Variants in ACSS3 observed in about 807,000 individuals in gnomAD.
The protein encoded by ACSS3 is acyl-CoA synthetase short chain family member 3, also known as acyl-CoA synthetase short-chain family member 3, mitochondrial.
ACSS3 carries 64 observed loss-of-function variants against 84.2 expected under a neutral mutation model. The observed-to-expected ratio is 0.76, with a 90% CI of 0.62 to 0.94. ACSS3 has a LOEUF of 0.94. Among genes scored for constraint, ACSS3 ranks in the 40% least tolerant of loss-of-function variants. The probability of loss-of-function intolerance (pLI) is 0.00; values close to 1 mark genes in which losing one functional copy is unlikely to be tolerated. For synonymous variants in ACSS3, 317 were observed against 310.1 expected (o/e 1.02, Z -0.23); for missense variants, 815 against 867.6 (o/e 0.94, Z 0.76).
intron 9 of ACSS3, among the ~76,000 whole-genome samples, chr12:81,205,908 T>C (rs1461215385): frequency 6.6e-6 from 1 of 152,156 alleles, no homozygotes; most frequent in Non-Finnish European, 1.5e-5. Context: ...GCTTGTGTCC[T>C]GTGCAAAATC....
intron 15 of ACSS3, 53 bp from the exon 16 acceptor site, chr12:81,254,804 G>T: frequency 5.2e-6 from 7 of 1,344,274 alleles, no homozygotes; most frequent in Non-Finnish European, 7.3e-6. Context: ...ATTATAGAAA[G>T]AGTAGAAGAA....
At chr12:81,201,163 G>A (rs116661815) in intron 9 of ACSS3, among the ~76,000 whole-genome samples, 1 of 152,196 alleles carries the variant, frequency 6.6e-6, no homozygotes, top group African/African-American at 2.4e-5. Context: ...AACAAGTGAA[G>A]AATTATTGCA....
intron 8 of ACSS3, among the ~76,000 whole-genome samples, chr12:81,185,129 TA>T (rs1314951385): frequency 2.0e-5 from 3 of 151,566 alleles, no homozygotes; most frequent in African/African-American, 4.8e-5. Flanking sequence ...ATAATTAACA[TA>T]AAAAAAGCAT....
At chr12:81,228,221 G>C (rs909423529) in intron 11 of ACSS3, among the ~76,000 whole-genome samples, 3 of 151,732 alleles carry the variant, frequency 2.0e-5, no homozygotes, top group African/African-American at 7.3e-5. Flanking sequence ...CATTCTCCTG[G>C]GAAACATACA....
At position 81,257,698 on chromosome 12, in the gene ACSS3, G is replaced by A. The variant is rs190138597; in HGVS notation, c.*2776G>A. The A allele has an allele frequency of 3.1e-4, 47 of 152,068 alleles. No individual in the cohort carries two copies. The highest frequency in any genetic ancestry group is 1.1e-3 in the African/African-American group (47 of 41,500). 9.4% of individuals were successfully genotyped at this position (152,068 alleles called of 1,614,324 possible). A position where few individuals can be genotyped will look rare whatever the true frequency, so the allele number is the denominator to read the frequency against. On this transcript the variant is annotated 3_prime_UTR_variant, in exon 16 of 16. Transcript: ENST00000548058. ...GTTTATATAAAATTGTATTTGAAAG[G>A]TCCTGAACATTAAAAATGTGAAAAT...
At chr12:81,170,726 G>T (rs1354174752) in intron 7 of ACSS3, among the ~76,000 whole-genome samples, 1 of 151,914 alleles carries the variant, frequency 6.6e-6, no homozygotes, top group Non-Finnish European at 1.5e-5. Flanking sequence ...ATATTGTCTG[G>T]GTTATTTCCC....
chr12:81,261,057 T>C lies in ACSS3; in HGVS notation c.*6135T>C, dbSNP rs1399858354. On this transcript the variant is annotated 3_prime_UTR_variant, in exon 16 of 16. Coordinates refer to ENST00000548058, the MANE Select transcript of ACSS3 (RefSeq NM_024560.4). ...CAAATGCTTGGTATTTATGGTTACA[T>C]AGGAAGGTTTTGTGCTGGTCCTATT... 2 of 152,184 alleles carry C rather than the reference T, an allele frequency of 1.3e-5. No homozygotes were observed. The highest frequency in any genetic ancestry group is 4.8e-5 in the African/African-American group (2 of 41,452). 9.4% of individuals were successfully genotyped at this position (152,184 alleles called of 1,614,324 possible). A position where few individuals can be genotyped will look rare whatever the true frequency, so the allele number is the denominator to read the frequency against.
chr12:81,123,942 G>T (rs974445447), intron 2 of ACSS3, among the ~76,000 whole-genome samples: 5 of 152,134 alleles, frequency 3.3e-5, no homozygotes, highest in African/African-American at 1.2e-4. Flanking sequence ...ATGAGTCCAT[G>T]TATATTTTTG....
At chr12:81,116,625 G>T (rs892855494) in intron 2 of ACSS3, among the ~76,000 whole-genome samples, 2 of 151,992 alleles carry the variant, frequency 1.3e-5, no homozygotes, top group African/African-American at 4.8e-5. Flanking sequence ...CCAGTTATTA[G>T]GGTACCTACA....
chr12:81,159,593 G>A (rs1163959618), intron 7 of ACSS3, among the ~76,000 whole-genome samples: 2 of 152,096 alleles, frequency 1.3e-5, no homozygotes, highest in African/African-American at 2.4e-5. Flanking sequence ...AAATTGAATG[G>A]TACTTCTTTA....
chr12:81,222,950 A>G (rs1333098533), intron 11 of ACSS3, among the ~76,000 whole-genome samples: 1 of 152,062 alleles, frequency 6.6e-6, no homozygotes, highest in Non-Finnish European at 1.5e-5. Flanking sequence ...TAATTTAGTA[A>G]GAAAGTTAAG....
chr12:81,142,960 A>G, intron 4 of ACSS3, 147 bp from the exon 5 acceptor site: 1 of 712,740 alleles, frequency 1.4e-6, no homozygotes. Context: ...CATGAACTTG[A>G]ACTTTTTAGT....
chr12:81,231,016 C>T (rs2033439045), intron 11 of ACSS3, 41 bp from the exon 12 acceptor site: 1 of 1,445,378 alleles, frequency 6.9e-7, no homozygotes, highest in Non-Finnish European at 9.7e-7. Flanking sequence ...GTCTTTATTA[C>T]CACTTTCATC....
intron 13 of ACSS3, among the ~76,000 whole-genome samples, chr12:81,247,387 T>A (rs2034016715): frequency 6.6e-6 from 1 of 152,088 alleles, no homozygotes; most frequent in Non-Finnish European, 1.5e-5. Flanking sequence ...TATGTTGTGT[T>A]TTAATGCTTC....
rs2034776965 is a variant in ACSS3 at position 81,259,863 on chromosome 12, A to C, written c.*4941A>C. 1 of 402,694 alleles carries C rather than the reference A, an allele frequency of 2.5e-6. No homozygotes were observed. The allele number at this position is 402,694 out of a possible 1,614,324, so 24.9% of individuals were successfully genotyped here. Reference sequence around the variant, plus strand: ...CAATTTGGTGCAGGGGAGCTTAACAAATAATAGAATTTGCTCAACTTTGTG... The same window carrying C: ...CAATTTGGTGCAGGGGAGCTTAACACATAATAGAATTTGCTCAACTTTGTG... On this transcript the variant is annotated 3_prime_UTR_variant, in exon 16 of 16. Coordinates refer to ENST00000548058, the MANE Select transcript of ACSS3 (RefSeq NM_024560.4).
Position 81,253,647 on chromosome 12 carries a change from A to G in ACSS3, c.1972A>G (p.Ile658Val). 2 of 1,613,712 alleles carry G rather than the reference A, an allele frequency of 1.2e-6. No individual in the cohort carries two copies. The highest frequency in any genetic ancestry group is 1.7e-6 in the Non-Finnish European group (2 of 1,179,740). ...GKIPRSALSA[I>V]VNGKPYKITS... ...GATCCCCCGATCAGCTTTATCTGCC[A>G]TTGTCAATGGCAAGCCATACAAGGT... The change falls in exon 15 of 16, where the codon ATT becomes GTT. Residue 658 changes from isoleucine to valine, a missense_variant. Transcript: ENST00000548058.
chr12:81,147,063 C>T (rs73359377), intron 5 of ACSS3, among the ~76,000 whole-genome samples: 2,565 of 152,032 alleles, frequency 0.017, 81 homozygotes, highest in African/African-American at 0.056. Context: ...ATCTGTGGTA[C>T]GCTCTTGCAG....
intron 1 of ACSS3, among the ~76,000 whole-genome samples, chr12:81,088,628 A>C (rs1881475170): frequency 6.6e-6 from 1 of 152,062 alleles, no homozygotes. Context: ...TTGGAAATAC[A>C]GTTTCTTAAG....
chr12:81,194,028 A>G (rs534514225), intron 8 of ACSS3, among the ~76,000 whole-genome samples: 83 of 151,964 alleles, frequency 5.5e-4, no homozygotes, highest in Non-Finnish European at 9.7e-4. Flanking sequence ...TTAATAAAAT[A>G]ATGTCAAGGT....
Sources: gnomAD v4.1 joint callset for allele counts (sites outside exome capture counted in the v4.1 genomes callset) on GRCh38, gnomAD v4.1.1 for gene constraint, MANE v1.5 for transcripts, NCBI Gene and HGNC (gene_info 2026-07-23, HGNC 2026-07-21) for gene names.